MYO3B: variants seen among roughly 807,000 people sequenced by gnomAD.
The protein encoded by MYO3B is myosin-IIIb.
A neutral mutation model predicts 174.6 loss-of-function variants in MYO3B; 156 were observed. That is an observed-to-expected ratio of 0.89 (90% CI 0.78 to 1.02). The LOEUF (loss-of-function observed/expected upper bound fraction) is 1.02. Among genes scored for constraint, MYO3B ranks in the 50% least tolerant of loss-of-function variants. The pLI is 0.00. For missense variants in MYO3B, 1,632 were observed against 1,639.4 expected (o/e 1.00, Z 0.08); for synonymous variants, 563 against 569.1 (o/e 0.99, Z 0.15).
chr2:170,346,500 C>T (rs1364981394), intron 8 of MYO3B: 1 of 151,952 alleles, frequency 6.6e-6, no homozygotes, highest in Non-Finnish European at 1.5e-5. Flanking sequence ...ATAAAACAAT[C>T]ACTACAATGT....
intron 22 of MYO3B, among the ~76,000 whole-genome samples, chr2:170,436,987 C>G (rs2094759090): frequency 6.6e-6 from 1 of 152,182 alleles, no homozygotes; most frequent in Non-Finnish European, 1.5e-5. Context: ...AATAGTTGCC[C>G]TGCTCTAGTC....
At chr2:170,510,901 C>T (rs943437456) in intron 28 of MYO3B, among the ~76,000 whole-genome samples, 16 of 152,046 alleles carry the variant, frequency 1.1e-4, no homozygotes, top group Admixed American at 5.2e-4. Context: ...CTGCGTGTTG[C>T]GTTTTTTAGT....
rs573697727 is a variant in MYO3B at position 170,227,442 on chromosome 2, G to A, written c.604-8549G>A. 7.0e-5 allele frequency among the ~76,000 whole-genome samples: 10 copies of A among 142,106 alleles called. No homozygotes were observed. The East Asian group carries it at 2.1e-3, about 30-fold the overall frequency. The allele number at this position is 142,106 out of a possible 152,430, so 93.2% of individuals were successfully genotyped here. On this transcript the variant is annotated intron_variant, in intron 6 of 34. Transcript: ENST00000408978. Reference sequence around the variant, plus strand: ...TGGGATTATAGGCATGTGCCACCACGCCCCGCTAATTTTTGTATTTTTAGT... The same window carrying A: ...TGGGATTATAGGCATGTGCCACCACACCCCGCTAATTTTTGTATTTTTAGT...
chr2:170,237,127 G>A (rs535102504), intron 7 of MYO3B, among the ~76,000 whole-genome samples: 6 of 152,158 alleles, frequency 3.9e-5, no homozygotes, highest in East Asian at 3.9e-4. Flanking sequence ...TGCCTTTTTC[G>A]AATCACAAAA....
chr2:170,573,879 A>C (rs935284239), intron 32 of MYO3B, among the ~76,000 whole-genome samples: 5 of 152,174 alleles, frequency 3.3e-5, no homozygotes, highest in African/African-American at 1.2e-4. Flanking sequence ...TATTAACTAG[A>C]ATCTCAGTTA....
chr2:170,345,138 T>C (rs1383910018), intron 8 of MYO3B: 1 of 152,122 alleles, frequency 6.6e-6, no homozygotes, highest in East Asian at 1.9e-4. Context: ...TGGCTCTGGG[T>C]CAGTTAGAAT....
At chr2:170,250,903 C>T (rs962958582) in intron 7 of MYO3B, among the ~76,000 whole-genome samples, 5 of 151,792 alleles carry the variant, frequency 3.3e-5, no homozygotes, top group African/African-American at 4.8e-5. Flanking sequence ...CTTCTCATGC[C>T]GTTCTGCCAT....
rs1474181527 is a variant in MYO3B, at chr2:170,405,625, G to C, written c.2512G>C (p.Ala838Pro). 6.2e-7 allele frequency: 1 copy of C among 1,614,060 alleles called. No individual in the cohort carries two copies. Among genetic ancestry groups the C allele is most frequent in the African/African-American group, 1.3e-5 (1 of 74,948 alleles). Residue 838 changes from alanine (A) to proline (P), a missense_variant, in exon 21 of 35, where the codon GCT becomes CCT. Coordinates refer to ENST00000408978, the MANE Select transcript of MYO3B (RefSeq NM_138995.5). The stretch of plus-strand genomic sequence containing the variant: ...ACTGTGCTTTGGCATTCAGCATTAT[G>C]CTGGAAAGGTGAGGCCAGTGTGACA... ...VELCFGIQHY[A>P]GKVLYDASGV...
At chr2:170,198,275 C>T (rs954390386) in intron 1 of MYO3B, among the ~76,000 whole-genome samples, 2 of 152,184 alleles carry the variant, frequency 1.3e-5, no homozygotes, top group African/African-American at 2.4e-5. Flanking sequence ...GGCAGTCCAC[C>T]CAGCTAGTTA....
chr2:170,429,220 C>T (rs181947996), intron 22 of MYO3B, among the ~76,000 whole-genome samples: 4 of 152,296 alleles, frequency 2.6e-5, no homozygotes, highest in Admixed American at 2.0e-4. Flanking sequence ...ATTTAGGATT[C>T]TATTCTTAGA....
In MYO3B at chr2:170,545,437, C is replaced by T. The variant is rs572855803; in HGVS notation, c.3733+1449C>T. Among the ~76,000 whole-genome samples the T allele has an allele frequency of 1.3e-3, 199 of 152,194 alleles. 2 individuals carry two copies. The highest frequency in any genetic ancestry group is 1.9e-3 in the Non-Finnish European group (130 of 68,006). On this transcript the variant is annotated intron_variant, in intron 32 of 34. Transcript: ENST00000408978. Reference sequence around the variant, plus strand: ...GTTTAGTAAATGTCAATTGCTGTTACGGTAATTATTGTTATTGACATTATA... The same window carrying T: ...GTTTAGTAAATGTCAATTGCTGTTATGGTAATTATTGTTATTGACATTATA...
chr2:170,375,592 A>G (rs1057460871), intron 9 of MYO3B, among the ~76,000 whole-genome samples: 2 of 151,482 alleles, frequency 1.3e-5, no homozygotes, highest in African/African-American at 4.9e-5. Context: ...CAATGACTTC[A>G]GCTTTTGATT....
intron 22 of MYO3B, among the ~76,000 whole-genome samples, chr2:170,417,666 G>A (rs1389615108): frequency 2.6e-5 from 4 of 152,154 alleles, no homozygotes; most frequent in East Asian, 1.9e-4. Context: ...TCTGGCAATC[G>A]TTGGTGTTCC....
chr2:170,367,398 T>C (rs994833158), intron 8 of MYO3B, among the ~76,000 whole-genome samples: 2 of 152,164 alleles, frequency 1.3e-5, no homozygotes, highest in Non-Finnish European at 1.5e-5. Context: ...TATTAAGAAA[T>C]CAGTAAGCAG....
At chr2:170,381,257 TG>T (rs1301392600) in intron 9 of MYO3B, among the ~76,000 whole-genome samples, 2 of 152,042 alleles carry the variant, frequency 1.3e-5, no homozygotes, top group East Asian at 3.9e-4. Context: ...GGTAGGTAAG[TG>T]GGTAAGGTAG....
chr2:170,459,633 T>G (rs1308653057), intron 23 of MYO3B, among the ~76,000 whole-genome samples: 1 of 152,106 alleles, frequency 6.6e-6, no homozygotes, highest in African/African-American at 2.4e-5. Context: ...ACTCCTGCAC[T>G]CCTCAGCCCT....
chr2:170,577,543 A>G (rs897820473), intron 32 of MYO3B, among the ~76,000 whole-genome samples: 2 of 152,204 alleles, frequency 1.3e-5, no homozygotes. Context: ...GGACTTACGA[A>G]TAAACTCTAG....
intron 23 of MYO3B, among the ~76,000 whole-genome samples, chr2:170,459,966 T>G (rs1010396597): frequency 3.3e-5 from 5 of 152,052 alleles, no homozygotes; most frequent in African/African-American, 1.2e-4. Context: ...ATGCTGGCTC[T>G]CAAGGGACGC....
intron 30 of MYO3B, among the ~76,000 whole-genome samples, chr2:170,538,119 A>T (rs185077807): frequency 1.3e-4 from 20 of 152,360 alleles, no homozygotes; most frequent in African/African-American, 4.8e-4. Flanking sequence ...CGCCTATCCA[A>T]GCAAAAAGGT....
Sources: gnomAD v4.1 joint callset for allele counts (sites outside exome capture counted in the v4.1 genomes callset) on GRCh38, gnomAD v4.1.1 for gene constraint, MANE v1.5 for transcripts, NCBI Gene and HGNC (gene_info 2026-07-23, HGNC 2026-07-21) for gene names.